VAV2: variants seen among roughly 807,000 people sequenced by gnomAD.
The protein encoded by VAV2 is guanine nucleotide exchange factor VAV2.
Under a neutral mutation model 132.5 loss-of-function variants are expected in VAV2, and 67 were observed. The observed-to-expected ratio is 0.51, with a 90% confidence interval of 0.42 to 0.62. The LOEUF (loss-of-function observed/expected upper bound fraction) is 0.62. Ranked by LOEUF, VAV2 falls within the 20% of genes least tolerant of loss-of-function variation. VAV2 has a pLI of 0.00. For synonymous variants in VAV2, 492 were observed against 443.5 expected, an observed-to-expected ratio of 1.11 and a Z score of -1.37; for missense variants, 938 against 1,153.6, an observed-to-expected ratio of 0.81 and a Z score of 2.71.
chr9:133,829,673 C>T (rs1370891149), intron 4 of VAV2, among the ~76,000 whole-genome samples: 3 of 152,056 alleles, frequency 2.0e-5, no homozygotes, highest in African/African-American at 2.4e-5. Flanking sequence ...CTTGCTCTGT[C>T]GCTCAGGCTG....
chr9:133,901,463 T>C (rs1564449898), intron 2 of VAV2, among the ~76,000 whole-genome samples: 1 of 152,246 alleles, frequency 6.6e-6, no homozygotes, highest in Non-Finnish European at 1.5e-5. Flanking sequence ...GTGGTGGCTC[T>C]GACCAGGGGA....
Position 133,783,591 on chromosome 9 carries a change from C to T in VAV2, c.1635G>A (p.Arg545=). The change falls in exon 19 of 30, where the codon AGG becomes AGA. Residue 545 remains arginine, a splice_region_variant and synonymous_variant. Transcript: ENST00000371850. ...ACATGTATCCCTGGTAGAAGGTGCC[C>T]CTGCACAGGGGAGGGCAGGAGGTGA... ...TNCKACKMFL[R]GTFYQGYMCT... The T allele has an allele frequency of 6.2e-7, 1 of 1,613,936 alleles. No individual in the cohort carries two copies. The highest frequency in any genetic ancestry group is 8.5e-7 in the Non-Finnish European group (1 of 1,179,958).
rs547082832 is a variant in VAV2 at position 133,934,158 on chromosome 9, C to T, written c.321+4945G>A. ...ATAAATGGATGGATGAGTGAATGAA[C>T]GAATAAATGAATGCTTTTTGTCTTC... On this transcript the variant is annotated intron_variant, in intron 2 of 29. Transcript: ENST00000371850. Among the ~76,000 whole-genome samples the T allele has an allele frequency of 4.6e-5, 7 of 152,136 alleles. No homozygotes were observed. In the South Asian group the frequency reaches 8.3e-4, roughly 18 times the overall value.
chr9:133,923,774 A>C (rs1321681139), intron 2 of VAV2, among the ~76,000 whole-genome samples: 2 of 152,252 alleles, frequency 1.3e-5, no homozygotes, highest in Non-Finnish European at 2.9e-5. Context: ...GGATTAAGAA[A>C]ATGTGGCACA....
chr9:133,932,893 C>T (rs1428316804), intron 2 of VAV2, among the ~76,000 whole-genome samples: 1 of 152,248 alleles, frequency 6.6e-6, no homozygotes, highest in East Asian at 1.9e-4. Context: ...TGGCAGGGGC[C>T]AGGAGCAGAG....
intron 2 of VAV2, among the ~76,000 whole-genome samples, chr9:133,900,198 C>CA (rs71503361): frequency 0.15 from 22,568 of 151,122 alleles, 1,830 homozygotes; most frequent in South Asian, 0.2. Context: ...GACCCTGTCT[C>CA]AAAAAAACCA....
intron 1 of VAV2, among the ~76,000 whole-genome samples, chr9:133,983,356 C>A (rs961570466): frequency 6.6e-6 from 1 of 152,192 alleles, no homozygotes; most frequent in African/African-American, 2.4e-5. Flanking sequence ...AAGATTTCCT[C>A]CAGGAGGAGA....
Position 133,772,049 on chromosome 9 carries a change from G to T in VAV2, c.2136-3C>A. On this transcript the variant is annotated splice_polypyrimidine_tract_variant and splice_region_variant and intron_variant, in intron 25 of 29. Transcript: ENST00000371850. ...TGTGCTTCACCTCATCATTGAACCTGAGCAAACACACGGCCCCGGCGGTCA... is the reference window on the plus strand; with the variant it reads ...TGTGCTTCACCTCATCATTGAACCTTAGCAAACACACGGCCCCGGCGGTCA... 9.1e-7 allele frequency: 1 copy of T among 1,100,494 alleles called. No individual in the cohort carries two copies. The highest frequency in any genetic ancestry group is 1.2e-6 in the Non-Finnish European group (1 of 800,400). The allele number at this position is 1,100,494 out of a possible 1,614,324, so 68.2% of individuals were successfully genotyped here.
At chr9:133,905,468 A>G (rs1839616560) in intron 2 of VAV2, among the ~76,000 whole-genome samples, 1 of 151,210 alleles carries the variant, frequency 6.6e-6, no homozygotes, top group Non-Finnish European at 1.5e-5. Flanking sequence ...AAGAAGAAGA[A>G]CAGCAGCTCT....
At chr9:133,898,174 A>T (rs1030869992) in intron 2 of VAV2, among the ~76,000 whole-genome samples, 4 of 152,128 alleles carry the variant, frequency 2.6e-5, no homozygotes, top group African/African-American at 9.7e-5. Flanking sequence ...AAGCACAGAG[A>T]AGGAAACTGA....
chr9:133,869,731 C>T (rs1166273459), intron 2 of VAV2, among the ~76,000 whole-genome samples: 1 of 152,248 alleles, frequency 6.6e-6, no homozygotes, highest in Non-Finnish European at 1.5e-5. Context: ...CTTTCTGGCC[C>T]CGACCCTCCG....
At chr9:133,839,724 C>A (rs903076308) in intron 3 of VAV2, among the ~76,000 whole-genome samples, 16 of 152,284 alleles carry the variant, frequency 1.1e-4, no homozygotes, top group Admixed American at 3.3e-4. Context: ...GCTGGGATTA[C>A]AGGCGTGAGC....
At chr9:133,829,639 A>G (rs1177534378) in intron 4 of VAV2, among the ~76,000 whole-genome samples, 2 of 148,936 alleles carry the variant, frequency 1.3e-5, no homozygotes, top group Non-Finnish European at 3.0e-5. Context: ...TATAACATAC[A>G]TTTTTTTTTT....
chr9:133,829,803 T>C (rs918933768), intron 4 of VAV2, among the ~76,000 whole-genome samples: 9 of 152,110 alleles, frequency 5.9e-5, no homozygotes, highest in Non-Finnish European at 1.0e-4. Context: ...ATAAAATACA[T>C]TCTTATGATT....
chr9:133,792,012 A>AGCGG (rs372497737), intron 12 of VAV2, 143 bp from the exon 13 acceptor site: 2 of 157,652 alleles, frequency 1.3e-5, no homozygotes, highest in African/African-American at 1.0e-4. Context: ...TGTGTGAATG[A>AGCGG]GCTGTGCTGG....
At chr9:133,981,941 A>C (rs1201082151) in intron 1 of VAV2, among the ~76,000 whole-genome samples, 1 of 152,240 alleles carries the variant, frequency 6.6e-6, no homozygotes, top group African/African-American at 2.4e-5. Flanking sequence ...CCTGGGAGAA[A>C]GCTTTGCTCT....
chr9:133,820,086 A>G (rs1588220614), intron 4 of VAV2, among the ~76,000 whole-genome samples: 2 of 152,202 alleles, frequency 1.3e-5, no homozygotes, highest in South Asian at 4.1e-4. Flanking sequence ...ATCTGTCCCA[A>G]TGACCTCACA....
chr9:133,941,925 C>A (rs1841177121), intron 1 of VAV2, among the ~76,000 whole-genome samples: 1 of 152,030 alleles, frequency 6.6e-6, no homozygotes, highest in Non-Finnish European at 1.5e-5. Context: ...TTCATGAGGC[C>A]CCTGGAGTCG....
rs749234864 is a variant in VAV2, at chr9:133,771,944, C to A, written c.2223+15G>T. The A allele has an allele frequency of 1.3e-6, 2 of 1,589,790 alleles. No homozygotes were observed. The highest frequency in any genetic ancestry group is 1.4e-5 in the African/African-American group (1 of 72,766). On this transcript the variant is annotated intron_variant, in intron 26 of 29. Coordinates refer to ENST00000371850, the MANE Select transcript of VAV2 (RefSeq NM_001134398.2). ...TGGCTGGGGTGGGAGCCGGCCGGAG[C>A]CAGAAGTCACCTACCAGGAGGCTGT...
Sources: allele counts gnomAD v4.1 joint callset (sites outside exome capture counted in the v4.1 genomes callset), GRCh38; gene constraint gnomAD v4.1.1; transcripts MANE v1.5; gene names NCBI Gene and HGNC (gene_info 2026-07-23, HGNC 2026-07-21).